The following ADAMTSL1 variants were observed in gnomAD, a reference collection of about 807,000 sequenced individuals.
ADAMTSL1 encodes ADAMTS like 1, also known as ADAMTS-like protein 1.
In ADAMTSL1, 126 loss-of-function variants were observed where a neutral mutation model predicts 201.8. The observed-to-expected ratio is 0.62, with a 90% CI of 0.54 to 0.72. The LOEUF (loss-of-function observed/expected upper bound fraction) is 0.72. Ranked by LOEUF, ADAMTSL1 falls within the 30% of genes least tolerant of loss-of-function variation. The pLI, the probability that ADAMTSL1 is intolerant of heterozygous loss-of-function variation, is 0.00. For missense variants in ADAMTSL1, 2,679 were observed against 2,277.8 expected (o/e 1.18, Z -3.59); for synonymous variants, 1,121 against 903.4 (o/e 1.24, Z -4.32).
intron 14 of ADAMTSL1, 74 bp downstream of exon 14, chr9:18,707,122 A>G: frequency 4.0e-6 from 6 of 1,513,748 alleles, no homozygotes; most frequent in East Asian, 2.3e-5. Context: ...CAGCTGGATC[A>G]TGTGACTGCC....
chr9:18,485,857 G>A (rs1219433883), intron 1 of ADAMTSL1, among the ~76,000 whole-genome samples: 5 of 152,230 alleles, frequency 3.3e-5, no homozygotes, highest in East Asian at 1.9e-4. Context: ...GGAAAGGCCT[G>A]GAGAAGGGAG....
chr9:18,233,177 G>A (rs1830709648), intron 2 of ADAMTSL1, among the ~76,000 whole-genome samples: 2 of 152,098 alleles, frequency 1.3e-5, no homozygotes, highest in South Asian at 4.1e-4. Context: ...CACACAAAAA[G>A]GAAGGTTCAG....
intron 23 of ADAMTSL1, among the ~76,000 whole-genome samples, chr9:18,844,087 T>C (rs149958595): frequency 0.087 from 13,318 of 152,316 alleles, 821 homozygotes; most frequent in East Asian, 0.22. Flanking sequence ...AGGAGCTGTG[T>C]TCCTTTGGAT....
intron 23 of ADAMTSL1, among the ~76,000 whole-genome samples, chr9:18,873,783 T>C (rs891726946): frequency 2.3e-4 from 35 of 152,306 alleles, no homozygotes; most frequent in African/African-American, 7.5e-4. Flanking sequence ...ATGTGGGCTC[T>C]TTTTTAGTTA....
intron 2 of ADAMTSL1, among the ~76,000 whole-genome samples, chr9:18,513,353 C>G: frequency 6.6e-6 from 1 of 152,140 alleles, no homozygotes. Flanking sequence ...CTGTCTGCTT[C>G]TATGTACTTG....
chr9:18,544,982 TC>T (rs1165552046), intron 3 of ADAMTSL1, among the ~76,000 whole-genome samples: 6 of 152,196 alleles, frequency 3.9e-5, no homozygotes. Context: ...GAGTCCCCTC[TC>T]CTGGCTAGCT....
At chr9:18,064,125 A>C (rs1318839990) in intron 1 of ADAMTSL1, among the ~76,000 whole-genome samples, 1 of 152,176 alleles carries the variant, frequency 6.6e-6, no homozygotes, top group Non-Finnish European at 1.5e-5. Flanking sequence ...AAGCAAGCAA[A>C]TTGTAGATCT....
chr9:18,203,351 A>G (rs1195616009), intron 2 of ADAMTSL1, among the ~76,000 whole-genome samples: 1 of 152,014 alleles, frequency 6.6e-6, no homozygotes, highest in Non-Finnish European at 1.5e-5. Context: ...AAGTCCCTTT[A>G]ACTAAAAATG....
At chr9:18,405,798 C>T (rs76654723) in intron 2 of ADAMTSL1, among the ~76,000 whole-genome samples, 16,216 of 152,144 alleles carry the variant, frequency 0.11, 1,204 homozygotes, top group Middle Eastern at 0.16. Flanking sequence ...AAATATCACT[C>T]ATATTAATTA....
At chr9:18,799,515 G>C (rs946012004) in intron 20 of ADAMTSL1, among the ~76,000 whole-genome samples, 12 of 152,194 alleles carry the variant, frequency 7.9e-5, no homozygotes, top group Non-Finnish European at 1.6e-4. Flanking sequence ...TCCAGGTATG[G>C]AGCATTGGTG....
At chr9:18,484,460 G>C (rs1462639872) in intron 1 of ADAMTSL1, among the ~76,000 whole-genome samples, 1 of 152,046 alleles carries the variant, frequency 6.6e-6, no homozygotes, top group Non-Finnish European at 1.5e-5. Context: ...TTTGACTTTT[G>C]CTTCTTTTTC....
At chr9:18,637,526 C>G (rs1265575919) in intron 6 of ADAMTSL1, among the ~76,000 whole-genome samples, 2 of 152,120 alleles carry the variant, frequency 1.3e-5, no homozygotes, top group African/African-American at 2.4e-5. Flanking sequence ...ATTATGTGAT[C>G]ACAAAGAAGC....
intron 2 of ADAMTSL1, among the ~76,000 whole-genome samples, chr9:18,437,653 A>C (rs1563960744): frequency 6.6e-6 from 1 of 152,238 alleles, no homozygotes; most frequent in African/African-American, 2.4e-5. Flanking sequence ...AGAGTTAAAG[A>C]AAGCTACCCA....
At chr9:18,103,968 G>T (rs1036056069) in intron 1 of ADAMTSL1, among the ~76,000 whole-genome samples, 4 of 152,138 alleles carry the variant, frequency 2.6e-5, no homozygotes, top group African/African-American at 9.7e-5. Flanking sequence ...GATTTTCCTA[G>T]TGTCAAAACC....
At chr9:18,074,541 C>G (rs939319532) in intron 1 of ADAMTSL1, among the ~76,000 whole-genome samples, 19 of 101,382 alleles carry the variant, frequency 1.9e-4, no homozygotes, top group Non-Finnish European at 3.5e-4. Flanking sequence ...TTTCTTCTCT[C>G]TTCTTTTCTC....
intron 2 of ADAMTSL1, among the ~76,000 whole-genome samples, chr9:18,322,384 G>GC (rs937947915): frequency 1.3e-5 from 2 of 152,186 alleles, no homozygotes; most frequent in African/African-American, 2.4e-5. Context: ...TGTAATCCCA[G>GC]CACTTTGGGA....
chr9:18,746,856 G>A (rs528129249), intron 15 of ADAMTSL1, among the ~76,000 whole-genome samples: 7 of 151,542 alleles, frequency 4.6e-5, no homozygotes, highest in South Asian at 2.1e-4. Context: ...ATCATGGGTC[G>A]TTGATTACCC....
intron 9 of ADAMTSL1, among the ~76,000 whole-genome samples, chr9:18,664,871 G>A (rs1001973614): frequency 6.6e-6 from 1 of 151,972 alleles, no homozygotes; most frequent in Non-Finnish European, 1.5e-5. Context: ...TGCCCACAGA[G>A]CCTGTTGTTC....
intron 2 of ADAMTSL1, among the ~76,000 whole-genome samples, chr9:18,377,861 C>G (rs1439789267): frequency 2.0e-5 from 3 of 152,278 alleles, no homozygotes; most frequent in South Asian, 4.2e-4. Context: ...AGTCACCATG[C>G]CTGGCTGAGA....
Sources: allele counts gnomAD v4.1 joint callset (sites outside exome capture counted in the v4.1 genomes callset), GRCh38; gene constraint gnomAD v4.1.1; transcripts MANE v1.5; gene names NCBI Gene and HGNC (gene_info 2026-07-23, HGNC 2026-07-21).